FAM13B: variants seen among roughly 807,000 people sequenced by gnomAD.
FAM13B encodes the protein protein FAM13B.
Under a neutral mutation model 117.3 loss-of-function variants are expected in FAM13B, and 60 were observed. The ratio of observed to expected loss-of-function variants is 0.51; its 90% CI spans 0.42 to 0.63. The LOEUF is 0.63. Among genes scored for constraint, FAM13B ranks in the 30% least tolerant of loss-of-function variants. The probability of loss-of-function intolerance (pLI) is 0.00; values close to 1 mark genes in which losing one functional copy is unlikely to be tolerated. For missense variants in FAM13B, 972 were observed against 1,091.9 expected (o/e 0.89, Z 1.55); for synonymous variants, 332 against 356.1 (o/e 0.93, Z 0.76).
chr5:137,939,978 A>C lies in FAM13B; in HGVS notation c.*247T>G, dbSNP rs992464788. The C allele has an allele frequency of 1.9e-6, 3 of 1,544,488 alleles. No individual in the cohort carries two copies. The African/African-American group carries it at 4.1e-5, about 21-fold the overall frequency. ...ATGTATCTGTAGTACAAAACAATGA[A>C]GTAAACCATATGTTTGCTAAAGGTG... On this transcript the variant is annotated 3_prime_UTR_variant, in exon 24 of 24. Coordinates refer to ENST00000689681, the MANE Select transcript of FAM13B (RefSeq NM_001385994.1).
rs1289914617 is a variant in FAM13B, at chr5:137,940,560, A to C, written c.2691-212T>G. 7.9e-6 allele frequency: 4 copies of C among 503,740 alleles called. No homozygotes were observed. The East Asian group carries it at 1.4e-4, about 17-fold the overall frequency. 31.2% of individuals were successfully genotyped at this position (503,740 alleles called of 1,614,324 possible). On this transcript the variant is annotated intron_variant, in intron 23 of 23. Transcript: ENST00000689681. ...ATGGACTTCTCTACTGATAGATTAA[A>C]TGATGCTATACTTATAAATAATCAA...
intron 13 of FAM13B, among the ~76,000 whole-genome samples, chr5:137,958,051 A>G (rs1263351753): frequency 1.3e-5 from 2 of 152,252 alleles, no homozygotes; most frequent in African/African-American, 4.8e-5. Flanking sequence ...ATCTTCTAAT[A>G]GGAAGAAACA....
intron 1 of FAM13B, among the ~76,000 whole-genome samples, chr5:138,021,420 G>A (rs1443496119): frequency 6.6e-6 from 1 of 152,126 alleles, no homozygotes; most frequent in Admixed American, 6.5e-5. Flanking sequence ...ATAAATAAAC[G>A]AATTGCAAAG....
At chr5:138,021,294 C>T in intron 1 of FAM13B, 97 bp from the exon 2 acceptor site, 1 of 956,110 alleles carries the variant, frequency 1.0e-6, no homozygotes, top group Middle Eastern at 3.7e-4. Context: ...AAGAGGTTAC[C>T]TATATTGAAA....
intron 1 of FAM13B, among the ~76,000 whole-genome samples, chr5:138,023,609 G>A (rs1472740502): frequency 6.6e-6 from 1 of 152,044 alleles, no homozygotes. Context: ...TTTGAGACAG[G>A]CTGGAGTACA....
At chr5:137,956,688 G>A in intron 13 of FAM13B, 146 bp from the exon 14 acceptor site, 2 of 352,504 alleles carry the variant, frequency 5.7e-6, no homozygotes, top group East Asian at 4.1e-5. Context: ...GTTATTAAAA[G>A]AAATCACTAC....
At chr5:137,951,775 G>A (rs1426488159) in intron 17 of FAM13B, among the ~76,000 whole-genome samples, 1 of 151,994 alleles carries the variant, frequency 6.6e-6, no homozygotes, top group Non-Finnish European at 1.5e-5. Flanking sequence ...CCAAGAGTTC[G>A]AGACCAGCCT....
At chr5:138,020,972 A>C in intron 2 of FAM13B, 59 bp downstream of exon 2, 1 of 1,161,704 alleles carries the variant, frequency 8.6e-7, no homozygotes, top group East Asian at 3.2e-5. Flanking sequence ...TACAGGGGCA[A>C]GTTCCAAAAT....
intron 7 of FAM13B, among the ~76,000 whole-genome samples, chr5:137,995,179 AC>A (rs2150699945): frequency 6.6e-6 from 1 of 152,292 alleles, no homozygotes; most frequent in African/African-American, 2.4e-5. Flanking sequence ...GCTGTGCTAC[AC>A]TCTGCAGTTT....
At chr5:138,034,672 A>G (rs1417589016), upstream of FAM13B, among the ~76,000 whole-genome samples, 1 of 152,220 alleles carries the variant, frequency 6.6e-6, no homozygotes, top group Non-Finnish European at 1.5e-5. Flanking sequence ...AAATCTGCCA[A>G]ACAGGATCAA....
At chr5:137,995,902 A>G (rs1779745054) in intron 7 of FAM13B, among the ~76,000 whole-genome samples, 1 of 152,190 alleles carries the variant, frequency 6.6e-6, no homozygotes, top group Non-Finnish European at 1.5e-5. Flanking sequence ...TCTACTTGTT[A>G]CTGCCCAACA....
intron 1 of FAM13B, among the ~76,000 whole-genome samples, chr5:138,047,640 C>T (rs1431464033): frequency 2.0e-5 from 3 of 152,148 alleles, no homozygotes; most frequent in African/African-American, 4.8e-5. Context: ...GAAATTATCC[C>T]GGATTATCTG....
At chr5:137,971,300 A>G (rs1271694059) in intron 10 of FAM13B, among the ~76,000 whole-genome samples, 1 of 152,144 alleles carries the variant, frequency 6.6e-6, no homozygotes, top group Non-Finnish European at 1.5e-5. Context: ...ACTCAGGATT[A>G]AGAATCTCAC....
intron 20 of FAM13B, among the ~76,000 whole-genome samples, chr5:137,943,857 T>A (rs1472621735): frequency 1.3e-5 from 2 of 152,332 alleles, no homozygotes; most frequent in East Asian, 1.9e-4. Context: ...TACTCTTTTT[T>A]AAAAATAACT....
At chr5:138,043,442 CTTT>C (rs562460878) in intron 1 of FAM13B, among the ~76,000 whole-genome samples, 4 of 138,414 alleles carry the variant, frequency 2.9e-5, no homozygotes, top group Non-Finnish European at 3.2e-5. Context: ...TTCTTTCTTT[CTTT>C]TTTTTTTTTT....
At position 138,033,065 on chromosome 5, in the gene FAM13B, G is replaced by A. The variant is rs935517879; in HGVS notation, c.-486C>T. On this transcript the variant is annotated 5_prime_UTR_variant, in exon 1 of 24. Transcript: ENST00000689681. ...GTGCAGAGCCTCCCTAACGGCGAGCGGGAGGAGAGCGGCTGGCGGGCGGAG... is the reference window on the plus strand; with the variant it reads ...GTGCAGAGCCTCCCTAACGGCGAGCAGGAGGAGAGCGGCTGGCGGGCGGAG... The A allele has an allele frequency of 8.1e-6, 8 of 986,416 alleles. No individual in the cohort carries two copies. Among genetic ancestry groups the A allele is most frequent in the Non-Finnish European group, 9.6e-6 (8 of 830,778 alleles). 61.1% of individuals were successfully genotyped at this position (986,416 alleles called of 1,614,324 possible).
intron 10 of FAM13B, among the ~76,000 whole-genome samples, chr5:137,964,712 C>T (rs1435507124): frequency 6.6e-6 from 1 of 152,018 alleles, no homozygotes; most frequent in East Asian, 1.9e-4. Flanking sequence ...CAGTACAAGA[C>T]TCCGTCACAA....
chr5:138,030,932 C>T (rs1163204206), intron 1 of FAM13B, among the ~76,000 whole-genome samples: 1 of 151,676 alleles, frequency 6.6e-6, no homozygotes, highest in African/African-American at 2.4e-5. Context: ...ACTCGGGAGG[C>T]TAAGTCAGAA....
chr5:137,987,362 T>C (rs1777498255), intron 9 of FAM13B, 99 bp downstream of exon 9: 6 of 1,115,560 alleles, frequency 5.4e-6, no homozygotes, highest in Non-Finnish European at 6.2e-6. Flanking sequence ...CTTTCAGAAA[T>C]CTCCAAGAAA....
Sources: gnomAD v4.1 joint callset for allele counts (sites outside exome capture counted in the v4.1 genomes callset) on GRCh38, gnomAD v4.1.1 for gene constraint, MANE v1.5 for transcripts, NCBI Gene and HGNC (gene_info 2026-07-23, HGNC 2026-07-21) for gene names.